CCNY: variants seen among roughly 807,000 people sequenced by gnomAD.
CCNY encodes the protein cyclin Y, also known as cyclin-Y.
In CCNY, 19 loss-of-function variants were observed where a neutral mutation model predicts 42.8. That is an observed-to-expected ratio of 0.44 (90% CI 0.31 to 0.65). The LOEUF (loss-of-function observed/expected upper bound fraction) is 0.65, where lower values mean the gene tolerates loss of function less well. Ranked by LOEUF, CCNY falls within the 30% of genes least tolerant of loss-of-function variation. The probability of loss-of-function intolerance (pLI) is 0.07; values close to 1 mark genes in which losing one functional copy is unlikely to be tolerated. For synonymous variants in CCNY, 165 were observed against 162.7 expected (o/e 1.01, Z -0.11); for missense variants, 370 against 437.3 (o/e 0.85, Z 1.37).
chr10:35,403,868 T>G (rs1488254745), intron 1 of CCNY, among the ~76,000 whole-genome samples: 1 of 152,194 alleles, frequency 6.6e-6, no homozygotes, highest in Admixed American at 6.5e-5. Flanking sequence ...TTAGGCCTGG[T>G]GGAACTGCCA....
At chr10:35,286,406 T>C (rs1008812622) in intron 3 of CCNY, among the ~76,000 whole-genome samples, 1 of 151,664 alleles carries the variant, frequency 6.6e-6, no homozygotes, top group Non-Finnish European at 1.5e-5. Flanking sequence ...TCGCCCAGGC[T>C]GGAGTCCAGT....
At chr10:35,363,913 G>T (rs996130436) in intron 1 of CCNY, among the ~76,000 whole-genome samples, 2 of 152,216 alleles carry the variant, frequency 1.3e-5, no homozygotes, top group Non-Finnish European at 1.5e-5. Context: ...TATTGGAGAA[G>T]AGCGGAGAAA....
intron 1 of CCNY, among the ~76,000 whole-genome samples, chr10:35,343,308 G>A (rs1168469053): frequency 6.8e-6 from 1 of 147,438 alleles, no homozygotes; most frequent in Non-Finnish European, 1.5e-5. Context: ...CTTTTTGAGA[G>A]TAATGAAAAT....
At chr10:35,464,463 A>G (rs1364408532) in intron 1 of CCNY, among the ~76,000 whole-genome samples, 1 of 151,842 alleles carries the variant, frequency 6.6e-6, no homozygotes, top group Non-Finnish European at 1.5e-5. Context: ...CCACTCCTTC[A>G]GTAACTCCCT....
At chr10:35,428,080 TTTCA>T (rs1838308157) in intron 1 of CCNY, among the ~76,000 whole-genome samples, 1 of 152,224 alleles carries the variant, frequency 6.6e-6, no homozygotes, top group South Asian at 2.1e-4. Context: ...TATGCTGTCC[TTTCA>T]TTCATTTAAT....
chr10:35,510,845 G>C lies in CCNY; in HGVS notation c.265-5678G>C, dbSNP rs1369007890. On this transcript the variant is annotated intron_variant, in intron 3 of 9. Transcript: ENST00000374704. ...AGGACAACAGGGACAAACTACGGCT[G>C]TCCTGATCAAGCCAGGATGTGTGAT... 5.3e-5 allele frequency among the ~76,000 whole-genome samples: 8 copies of C among 152,326 alleles called. No individual in the cohort carries two copies. The East Asian group carries it at 1.5e-3, about 29-fold the overall frequency.
chr10:35,368,983 C>G (rs1277790476), intron 1 of CCNY, among the ~76,000 whole-genome samples: 1 of 152,196 alleles, frequency 6.6e-6, no homozygotes, highest in Non-Finnish European at 1.5e-5. Flanking sequence ...AGTTTCTCCA[C>G]TTTTCTGGTG....
At chr10:35,355,695 A>AG (rs1836532797) in intron 1 of CCNY, among the ~76,000 whole-genome samples, 2 of 150,554 alleles carry the variant, frequency 1.3e-5, no homozygotes, top group East Asian at 3.9e-4. Context: ...AAAAAAAAAA[A>AG]AAAAAAAAAA....
chr10:35,449,278 T>G (rs1432490565), intron 1 of CCNY, among the ~76,000 whole-genome samples: 5 of 19,168 alleles, frequency 2.6e-4, no homozygotes, highest in African/African-American at 4.3e-4. Context: ...GGGGCAGAGA[T>G]AGGGGCAGGG....
At chr10:35,434,661 C>T (rs1235340384) in intron 1 of CCNY, among the ~76,000 whole-genome samples, 1 of 152,138 alleles carries the variant, frequency 6.6e-6, no homozygotes, top group African/African-American at 2.4e-5. Flanking sequence ...GGAAGTATCA[C>T]TCTTTATTCA....
At chr10:35,470,561 A>G (rs1259807802) in intron 1 of CCNY, among the ~76,000 whole-genome samples, 1 of 152,238 alleles carries the variant, frequency 6.6e-6, no homozygotes, top group Non-Finnish European at 1.5e-5. Context: ...TGAAAATAGG[A>G]AACAACTAAA....
In CCNY at chr10:35,369,834, A is replaced by G. The variant is rs1425777774; in HGVS notation, c.154+32627A>G. Among the ~76,000 whole-genome samples the G allele has an allele frequency of 6.6e-5, 10 of 152,220 alleles. 1 individual carries two copies. Among genetic ancestry groups the G allele is most frequent in the African/African-American group, 2.4e-4 (10 of 41,448 alleles). On this transcript the variant is annotated intron_variant, in intron 1 of 9. Transcript: ENST00000374704. Reference sequence around the variant, plus strand: ...TCAATATTTTTATTAGAGGTGACCAAATACCTTAATAAAGTGTATTTGAAT... The same window carrying G: ...TCAATATTTTTATTAGAGGTGACCAGATACCTTAATAAAGTGTATTTGAAT...
chr10:35,473,782 G>T (rs1245977755), intron 1 of CCNY, among the ~76,000 whole-genome samples: 2 of 151,962 alleles, frequency 1.3e-5, no homozygotes, highest in East Asian at 1.9e-4. Flanking sequence ...TGTGTTCCTT[G>T]GGGGGAGGAG....
intron 1 of CCNY, among the ~76,000 whole-genome samples, chr10:35,339,483 T>C (rs998658422): frequency 6.6e-6 from 1 of 152,238 alleles, no homozygotes; most frequent in African/African-American, 2.4e-5. Flanking sequence ...TATCTGTATG[T>C]ATTTGAACTG....
chr10:35,499,011 T>G (rs565327701), intron 2 of CCNY, among the ~76,000 whole-genome samples: 1 of 152,228 alleles, frequency 6.6e-6, no homozygotes, highest in South Asian at 2.1e-4. Flanking sequence ...CCATTCTGAT[T>G]GCAGCCAGTT....
intron 3 of CCNY, among the ~76,000 whole-genome samples, chr10:35,253,733 C>G (rs115298896): frequency 6.6e-6 from 1 of 151,986 alleles, no homozygotes; most frequent in African/African-American, 2.4e-5. Context: ...GGCATTGACT[C>G]CTTGAATAAA....
intron 7 of CCNY, among the ~76,000 whole-genome samples, chr10:35,538,072 A>G (rs1840922421): frequency 6.6e-6 from 1 of 151,934 alleles, no homozygotes; most frequent in Non-Finnish European, 1.5e-5. Flanking sequence ...ACGAGATCTG[A>G]TGGTTTTATA....
intron 4 of CCNY, among the ~76,000 whole-genome samples, chr10:35,525,080 T>C (rs1406185821): frequency 6.6e-6 from 1 of 152,216 alleles, no homozygotes; most frequent in Non-Finnish European, 1.5e-5. Context: ...ACAACCTAAA[T>C]GTTCATTAGT....
At chr10:35,550,779 C>T (rs575098441) in intron 7 of CCNY, among the ~76,000 whole-genome samples, 1 of 152,142 alleles carries the variant, frequency 6.6e-6, no homozygotes, top group East Asian at 1.9e-4. Flanking sequence ...TTACTCCCCC[C>T]TCTTCTTTGT....
Sources: allele counts gnomAD v4.1 joint callset (sites outside exome capture counted in the v4.1 genomes callset), GRCh38; gene constraint gnomAD v4.1.1; transcripts MANE v1.5; gene names NCBI Gene and HGNC (gene_info 2026-07-23, HGNC 2026-07-21).